Variants in HYAL3 observed in about 807,000 individuals in gnomAD.
HYAL3 encodes hyaluronidase 3.
HYAL3 carries 25 observed loss-of-function variants against 29.6 expected under a neutral mutation model. That is an observed-to-expected ratio of 0.85 (90% CI 0.62 to 1.18). HYAL3 has a LOEUF of 1.18. Ranked by LOEUF, HYAL3 falls within the 50% of genes most tolerant of loss-of-function variation. The probability of loss-of-function intolerance (pLI) is 0.00; values close to 1 mark genes in which losing one functional copy is unlikely to be tolerated. For synonymous variants in HYAL3, 215 were observed against 218.3 expected (o/e 0.99, Z 0.13); for missense variants, 442 against 548.4 (o/e 0.81, Z 1.94).
intron 1 of HYAL3, chr3:50,296,571 A>G: frequency 6.2e-7 from 1 of 1,607,384 alleles, no homozygotes; most frequent in South Asian, 1.1e-5. Flanking sequence ...AGTCTATTGA[A>G]CCAGAAAGAC....
At chr3:50,293,540 C>T in intron 3 of HYAL3, 25 bp from the exon 4 acceptor site, 1 of 1,611,570 alleles carries the variant, frequency 6.2e-7, no homozygotes, top group South Asian at 1.1e-5. Flanking sequence ...AGATATGTGT[C>T]AATATGCCTG....
At chr3:50,293,778 C>A (rs1305850000) in intron 2 of HYAL3, 57 bp from the exon 3 acceptor site, 1 of 1,390,578 alleles carries the variant, frequency 7.2e-7, no homozygotes, top group East Asian at 2.3e-5. Context: ...TGTGGGCACA[C>A]ATCCACATTC....
chr3:50,298,819 A>G, intron 1 of HYAL3: 1 of 1,175,092 alleles, frequency 8.5e-7, no homozygotes, highest in South Asian at 2.0e-5. Context: ...TAAGCCCCTC[A>G]CCTGCATCAG....
rs1553710261 is a variant in HYAL3, at chr3:50,293,145, G to T, written c.*101C>A. On this transcript the variant is annotated 3_prime_UTR_variant, in exon 4 of 4. Transcript: ENST00000336307. Reference sequence around the variant, plus strand: ...GGGAAGCGGGGTGTGTGCTTGGGAGGGTTGACTGTAAACTGAATAGAGCAA... The same window carrying T: ...GGGAAGCGGGGTGTGTGCTTGGGAGTGTTGACTGTAAACTGAATAGAGCAA... 1 of 1,560,422 alleles carries T rather than the reference G, an allele frequency of 6.4e-7. No homozygotes were observed. Among genetic ancestry groups the T allele is most frequent in the Non-Finnish European group, 8.8e-7 (1 of 1,133,718 alleles).
rs879995453 is a variant in HYAL3, at chr3:50,295,669, C to A, written c.-17-50G>T. The A allele has an allele frequency of 1.1e-5, 16 of 1,434,704 alleles. No individual in the cohort carries two copies. In the East Asian group the frequency reaches 1.4e-4, roughly 13 times the overall value. 88.9% of individuals were successfully genotyped at this position (1,434,704 alleles called of 1,614,324 possible). The stretch of plus-strand genomic sequence containing the variant: ...CTTAGAGTCCGCAGCTATGGCCACA[C>A]CTTCCACATGGCAGGGAAAGCCAGG... On this transcript the variant is annotated intron_variant, in intron 1 of 3. Transcript: ENST00000336307.
At position 50,297,118 on chromosome 3, in the gene HYAL3, C is replaced by A; in HGVS notation, c.-17-1499G>T. ...GCATGGCCCACCACAACGGGTGCTGCTTCAAGTGTGGGGTGGGGGCTTAGC... is the reference window on the plus strand; with the variant it reads ...GCATGGCCCACCACAACGGGTGCTGATTCAAGTGTGGGGTGGGGGCTTAGC... On this transcript the variant is annotated intron_variant, in intron 1 of 3. Coordinates refer to ENST00000336307, the MANE Select transcript of HYAL3 (RefSeq NM_003549.4). This position sits in a 1 kb window ranked among gnomAD's most constrained non-coding sequence, Gnocchi z 4.3. The A allele has an allele frequency of 6.4e-7, 1 of 1,563,102 alleles. No individual in the cohort carries two copies. The highest frequency in any genetic ancestry group is 1.2e-5 in the South Asian group (1 of 83,742).
intron 1 of HYAL3, chr3:50,296,964 C>G: frequency 1.9e-6 from 3 of 1,594,834 alleles, no homozygotes; most frequent in Middle Eastern, 1.7e-4. Flanking sequence ...GCGGAAGCCC[C>G]GGGCCCGAGC....
intron 1 of HYAL3, among the ~76,000 whole-genome samples, chr3:50,298,579 C>T (rs1176930452): frequency 1.3e-5 from 2 of 151,822 alleles, no homozygotes; most frequent in African/African-American, 4.8e-5. Context: ...CCCAGACCTC[C>T]TGTGCCCAAA....
Position 50,295,639 on chromosome 3 carries a change from G to A in HYAL3, c.-17-20C>T, listed in dbSNP as rs1409313205. The A allele has an allele frequency of 6.6e-7, 1 of 1,512,738 alleles. No individual in the cohort carries two copies. The highest frequency in any genetic ancestry group is 8.8e-7 in the Non-Finnish European group (1 of 1,131,274). The allele number at this position is 1,512,738 out of a possible 1,614,324, so 93.7% of individuals were successfully genotyped here. The stretch of plus-strand genomic sequence containing the variant: ...GGAAACCTGCAGGAGAGAGGGGGGT[G>A]TAAGCTTAGAGTCCGCAGCTATGGC... On this transcript the variant is annotated intron_variant, in intron 1 of 3. Transcript: ENST00000336307.
rs1210814704 is a variant in HYAL3, at chr3:50,293,118, A to G, written c.*128T>C. 6.6e-7 allele frequency: 1 copy of G among 1,504,406 alleles called. No individual in the cohort carries two copies. The highest frequency in any genetic ancestry group is 9.2e-7 in the Non-Finnish European group (1 of 1,085,508). The allele number at this position is 1,504,406 out of a possible 1,614,324, so 93.2% of individuals were successfully genotyped here. ...GCCCCTTCTACCCCTCAGGGATTCCAAGGGAAGCGGGGTGTGTGCTTGGGA... is the reference window on the plus strand; with the variant it reads ...GCCCCTTCTACCCCTCAGGGATTCCGAGGGAAGCGGGGTGTGTGCTTGGGA... On this transcript the variant is annotated 3_prime_UTR_variant, in exon 4 of 4. Transcript: ENST00000336307.
At position 50,297,781 on chromosome 3, in the gene HYAL3, T is replaced by C; in HGVS notation, c.-18+1432A>G. The C allele has an allele frequency of 8.1e-7, 1 of 1,237,336 alleles. No individual in the cohort carries two copies. The highest frequency in any genetic ancestry group is 1.0e-6 in the Non-Finnish European group (1 of 989,068). The allele number at this position is 1,237,336 out of a possible 1,614,324, so 76.6% of individuals were successfully genotyped here. A position where few individuals can be genotyped will look rare whatever the true frequency, so the allele number is the denominator to read the frequency against. ...CATGCATACTGGAACTGGGGAGTGG[T>C]GGGCTGCACTTTGTCCCACACTCAC... On this transcript the variant is annotated intron_variant, in intron 1 of 3. Transcript: ENST00000336307. This position sits in a 1 kb window ranked among gnomAD's most constrained non-coding sequence, Gnocchi z 4.3.
Position 50,297,293 on chromosome 3 carries a change from C to T in HYAL3, c.-17-1674G>A. ...GCACAGGCTCCAGGGTCAACTCAGCCAGGCTAGGAGCTGGGGTCTCCTCTG... is the reference window on the plus strand; with the variant it reads ...GCACAGGCTCCAGGGTCAACTCAGCTAGGCTAGGAGCTGGGGTCTCCTCTG... On this transcript the variant is annotated intron_variant, in intron 1 of 3. Transcript: ENST00000336307. The surrounding 1 kb of genome is among the most constrained non-coding windows in gnomAD (Gnocchi z 4.3). The T allele has an allele frequency of 1.2e-6, 2 of 1,603,842 alleles. No homozygotes were observed. The highest frequency in any genetic ancestry group is 1.7e-6 in the Non-Finnish European group (2 of 1,173,232).
chr3:50,299,242 C>T lies in HYAL3; in HGVS notation c.-47G>A. 6.2e-7 allele frequency: 1 copy of T among 1,614,118 alleles called. No individual in the cohort carries two copies. Among genetic ancestry groups the T allele is most frequent in the Non-Finnish European group, 8.5e-7 (1 of 1,180,012 alleles). ...TGATGCTGGCCTCTGGGATGTTCCGCGTCCTAGCTCCGCACAGCTGGGTAT... is the reference window on the plus strand; with the variant it reads ...TGATGCTGGCCTCTGGGATGTTCCGTGTCCTAGCTCCGCACAGCTGGGTAT... On this transcript the variant is annotated 5_prime_UTR_variant, in exon 1 of 4. Transcript: ENST00000336307.
In HYAL3 at chr3:50,297,630, T is replaced by G; in HGVS notation, c.-18+1583A>C. ...GCCAGGCTGGAGGTTAAGACCCCAG[T>G]CTCCAGGCAGTAGCATCTCTTCAGA... On this transcript the variant is annotated intron_variant, in intron 1 of 3. Coordinates refer to ENST00000336307, the MANE Select transcript of HYAL3 (RefSeq NM_003549.4). The surrounding 1 kb of genome is among the most constrained non-coding windows in gnomAD (Gnocchi z 4.3). The G allele has an allele frequency of 6.9e-7, 1 of 1,459,178 alleles. No homozygotes were observed. Among genetic ancestry groups the G allele is most frequent in the Non-Finnish European group, 9.0e-7 (1 of 1,111,252 alleles). 90.4% of individuals were successfully genotyped at this position (1,459,178 alleles called of 1,614,324 possible). A position where few individuals can be genotyped will look rare whatever the true frequency, so the allele number is the denominator to read the frequency against.
rs1399867355 is a variant in HYAL3 at position 50,293,168 on chromosome 3, C to T, written c.*78G>A. 1 of 1,593,958 alleles carries T rather than the reference C, an allele frequency of 6.3e-7. No individual in the cohort carries two copies. ...AGGGTTGACTGTAAACTGAATAGAG[C>T]AAGAGTGGGACAGAGTAGTTCCAGG... On this transcript the variant is annotated 3_prime_UTR_variant, in exon 4 of 4. Coordinates refer to ENST00000336307, the MANE Select transcript of HYAL3 (RefSeq NM_003549.4).
chr3:50,297,210 CG>C lies in HYAL3; in HGVS notation c.-17-1592del. On this transcript the variant is annotated intron_variant, in intron 1 of 3. Transcript: ENST00000336307. This position sits in a 1 kb window ranked among gnomAD's most constrained non-coding sequence, Gnocchi z 4.3. ...GGAGTGCAGGCGGGAGGTGCGGCTG[CG>C]GGGCCACTGATCATTGATGAGGTCA... 6.2e-7 allele frequency: 1 copy of C among 1,612,598 alleles called. No homozygotes were observed. The highest frequency in any genetic ancestry group is 8.5e-7 in the Non-Finnish European group (1 of 1,179,194).
chr3:50,296,718 T>G, intron 1 of HYAL3: 1 of 1,611,898 alleles, frequency 6.2e-7, no homozygotes, highest in East Asian at 2.2e-5. Flanking sequence ...GGTCAGGCAC[T>G]CAGGTAGGGG....
rs1010410898 is a variant in HYAL3, at chr3:50,299,075, C to G, written c.-18+138G>C. The G allele has an allele frequency of 3.4e-5, 54 of 1,605,438 alleles. No homozygotes were observed. The Admixed American group carries it at 8.9e-4, about 27-fold the overall frequency. On this transcript the variant is annotated intron_variant, in intron 1 of 3. Transcript: ENST00000336307. ...GAATGAGGACTTCGAGAGCTCGACT[C>G]TGTGGGCAGGTGTGGCTCGGCATGG...
At chr3:50,296,844 G>A (rs200439690) in intron 1 of HYAL3, 31 of 1,587,878 alleles carry the variant, frequency 2.0e-5, no homozygotes, top group Non-Finnish European at 2.7e-5. Context: ...ATTAAGCAGG[G>A]TGGCAGGCAG....
Sources: gnomAD v4.1 joint callset for allele counts (sites outside exome capture counted in the v4.1 genomes callset) on GRCh38, gnomAD v4.1.1 for gene constraint, Gnocchi (gnomAD v3.1) non-coding constraint, MANE v1.5 for transcripts, NCBI Gene and HGNC (gene_info 2026-07-23, HGNC 2026-07-21) for gene names.